Variants in NUP37 observed in about 807,000 individuals in gnomAD.
The protein encoded by NUP37 is nucleoporin 37.
A neutral mutation model predicts 45.4 loss-of-function variants in NUP37; 33 were observed. That is an observed-to-expected ratio of 0.73 (90% confidence interval 0.55 to 0.97). The LOEUF (loss-of-function observed/expected upper bound fraction) is 0.97. NUP37 is among the 50% of genes least tolerant of loss of function. NUP37 has a pLI of 0.00. For missense variants in NUP37, 365 were observed against 389.7 expected (o/e 0.94, Z 0.53); for synonymous variants, 127 against 130.7 (o/e 0.97, Z 0.19).
At chr12:102,112,333 T>A in intron 2 of NUP37, 101 bp from the exon 3 acceptor site, 1 of 984,082 alleles carries the variant, frequency 1.0e-6, no homozygotes, top group Non-Finnish European at 1.4e-6. Flanking sequence ...TGCTTATGCT[T>A]TTGAAAAGTT....
chr12:102,074,717 A>C, intron 9 of NUP37: 1 of 438,956 alleles, frequency 2.3e-6, no homozygotes, highest in Non-Finnish European at 4.0e-6. Flanking sequence ...AACAAGCAAA[A>C]TTAATGTATT....
chr12:102,112,118 G>C lies in NUP37; in HGVS notation c.271C>G (p.Pro91Ala). The C allele has an allele frequency of 6.2e-7, 1 of 1,613,546 alleles. No individual in the cohort carries two copies. The change falls in exon 3 of 10, where the codon CCA becomes GCA. Residue 91 changes from proline (P) to alanine (A), a missense_variant. Physicochemically the swap from Pro to Ala is conservative, Grantham distance 27. Transcript: ENST00000552283. ...SPETRLDSLP[P>A]VIKFCTSAAD... ...TACTGTTAAACTTACTTGATTACTGGAGGCAATGAATCAAGTCTAGTCTCT... is the reference window on the plus strand; with the variant it reads ...TACTGTTAAACTTACTTGATTACTGCAGGCAATGAATCAAGTCTAGTCTCT...
Position 102,074,348 on chromosome 12 carries a change from A to G in NUP37, c.*6T>C. The G allele has an allele frequency of 6.4e-7, 1 of 1,562,600 alleles. No individual in the cohort carries two copies. Among genetic ancestry groups the G allele is most frequent in the East Asian group, 2.2e-5 (1 of 44,566 alleles). On this transcript the variant is annotated 3_prime_UTR_variant, in exon 10 of 10. Transcript: ENST00000552283. ...AAGTTTGTGAATCTAAGGTACAGAA[A>G]ACACTTTATACTTCAGTCACCCAAA...
rs201703332 is a variant in NUP37 at position 102,109,045 on chromosome 12, T to G, written c.281+3063A>C. Among the ~76,000 whole-genome samples the G allele has an allele frequency of 1.7e-4, 26 of 152,318 alleles. 1 individual carries two copies. In the East Asian group the frequency reaches 3.7e-3, roughly 21 times the overall value. On this transcript the variant is annotated intron_variant, in intron 3 of 9. Transcript: ENST00000552283. ...GAAAATTAATAATCTTACTGGGATC[T>G]AAATAAAACCAAACAAACAAACCCA...
chr12:102,082,129 A>G (rs1433551453), intron 6 of NUP37, among the ~76,000 whole-genome samples: 4 of 151,988 alleles, frequency 2.6e-5, no homozygotes, highest in South Asian at 4.1e-4. Context: ...CCTAGCTCCT[A>G]TTGAGTCTTA....
At chr12:102,100,549 C>T (rs1033945978) in intron 4 of NUP37, among the ~76,000 whole-genome samples, 1 of 152,172 alleles carries the variant, frequency 6.6e-6, no homozygotes. Context: ...AGGATATTAG[C>T]ACAAAGAGAT....
At chr12:102,091,669 C>T (rs2136729103) in intron 5 of NUP37, among the ~76,000 whole-genome samples, 1 of 152,012 alleles carries the variant, frequency 6.6e-6, no homozygotes, top group East Asian at 1.9e-4. Flanking sequence ...GGTGCCAATA[C>T]AGACCAAATC....
chr12:102,107,021 AC>A (rs1880174966), intron 3 of NUP37, among the ~76,000 whole-genome samples: 1 of 152,094 alleles, frequency 6.6e-6, no homozygotes, highest in African/African-American at 2.4e-5. Flanking sequence ...CTGTCTTTCC[AC>A]ATGTAGTTGC....
At chr12:102,103,576 C>A (rs1464538513) in intron 3 of NUP37, among the ~76,000 whole-genome samples, 1 of 152,182 alleles carries the variant, frequency 6.6e-6, no homozygotes, top group East Asian at 1.9e-4. Context: ...CGTTTTAATT[C>A]TTTTTCATAT....
At chr12:102,091,338 C>T (rs1879645139) in intron 5 of NUP37, among the ~76,000 whole-genome samples, 1 of 127,362 alleles carries the variant, frequency 7.9e-6, no homozygotes, top group South Asian at 2.5e-4. Flanking sequence ...GCGGAGGTTG[C>T]AGTGAGCTGA....
chr12:102,105,958 C>A (rs957810357), intron 3 of NUP37, among the ~76,000 whole-genome samples: 8 of 151,304 alleles, frequency 5.3e-5, no homozygotes, highest in Admixed American at 4.0e-4. Context: ...TAGGGTTTTG[C>A]AAACATGATT....
At chr12:102,114,942 A>G (rs753549040) in intron 2 of NUP37, among the ~76,000 whole-genome samples, 1 of 152,158 alleles carries the variant, frequency 6.6e-6, no homozygotes, top group Non-Finnish European at 1.5e-5. Context: ...AACCACACCA[A>G]ATCAGTCTAA....
rs1879093753 is a variant in NUP37 at position 102,073,760 on chromosome 12, C to T, written c.*594G>A. 6.6e-6 allele frequency: 1 copy of T among 152,206 alleles called. No homozygotes were observed. The highest frequency in any genetic ancestry group is 2.4e-5 in the African/African-American group (1 of 41,434). The allele number at this position is 152,206 out of a possible 1,614,324, so 9.4% of individuals were successfully genotyped here. On this transcript the variant is annotated 3_prime_UTR_variant, in exon 10 of 10. Transcript: ENST00000552283. ...AGTGAAGTGGCACGATCTTGGCTCA[C>T]TGTAACCTCTGCCTTCCAGGTTCAA... is the stretch of plus-strand genomic sequence containing the variant.
chr12:102,099,155 G>C lies in NUP37; in HGVS notation c.400C>G (p.Pro134Ala), dbSNP rs1178924044. 7.4e-6 allele frequency: 12 copies of C among 1,613,734 alleles called. No homozygotes were observed. Among genetic ancestry groups the C allele is most frequent in the Non-Finnish European group, 1.0e-5 (12 of 1,179,756 alleles). Residue 134 changes from proline (P) to alanine (A), a missense_variant, in exon 5 of 10, where the codon CCC (proline) becomes GCC (alanine). By Grantham distance (27) the Pro-to-Ala change is conservative (BLOSUM62 -1). Transcript: ENST00000552283. ...CTTGCAATTTCTTGGCCTTCTTTGG[G>C]ATCAAACACCAAACCATTAATGAAA... ...TDFINGLVFD[P>A]KEGQEIASVS... is the part of the protein sequence containing the mutation.
At chr12:102,080,877 G>C (rs928160673) in intron 6 of NUP37, among the ~76,000 whole-genome samples, 1 of 152,194 alleles carries the variant, frequency 6.6e-6, no homozygotes, top group Non-Finnish European at 1.5e-5. Context: ...GATATTTTAA[G>C]AGTGACTTGA....
intron 5 of NUP37, among the ~76,000 whole-genome samples, chr12:102,094,457 C>A (rs1413507940): frequency 6.7e-6 from 1 of 150,300 alleles, no homozygotes; most frequent in Non-Finnish European, 1.5e-5. Flanking sequence ...CTGTTTCCCA[C>A]AAGGACTATT....
chr12:102,077,191 G>GC, intron 7 of NUP37, 131 bp downstream of exon 7: 1 of 895,382 alleles, frequency 1.1e-6, no homozygotes, highest in South Asian at 1.4e-5. Flanking sequence ...CATAGCTCTG[G>GC]CCTTCTATAG....
At chr12:102,119,421 A>G (rs1412776499) in intron 1 of NUP37, 2 of 152,236 alleles carry the variant, frequency 1.3e-5, no homozygotes, top group African/African-American at 4.8e-5. Flanking sequence ...AATTAAAATA[A>G]TAATATTCTT....
chr12:102,101,198 C>CT lies in NUP37; in HGVS notation c.282-95dup, dbSNP rs1249821248. ...CATCCTTCCCTTCAGATCACTGAAG[C>CT]TTTTATCATAACTCATAATCATGCT... is the stretch of plus-strand genomic sequence containing the variant. On this transcript the variant is annotated intron_variant, in intron 3 of 9. Transcript: ENST00000552283. The CT allele has an allele frequency of 4.9e-6, 3 of 606,274 alleles. No homozygotes were observed. In the East Asian group the frequency reaches 9.2e-5, roughly 19 times the overall value. The allele number at this position is 606,274 out of a possible 1,614,324, so 37.6% of individuals were successfully genotyped here.
Sources: gnomAD v4.1 joint callset for allele counts (sites outside exome capture counted in the v4.1 genomes callset) on GRCh38, gnomAD v4.1.1 for gene constraint, MANE v1.5 for transcripts, NCBI Gene and HGNC (gene_info 2026-07-23, HGNC 2026-07-21) for gene names.